RRP15: variants seen among roughly 807,000 people sequenced by gnomAD.
RRP15 encodes the protein RRP15-like protein.
Under a neutral mutation model 27.1 loss-of-function variants are expected in RRP15, and 18 were observed. That is an observed-to-expected ratio of 0.66 (90% CI 0.46 to 0.98). The LOEUF is 0.98. RRP15 is among the 50% of genes least tolerant of loss of function. RRP15 has a pLI of 0.00. For missense variants in RRP15, 359 were observed against 337.8 expected (o/e 1.06, Z -0.49); for synonymous variants, 107 against 109.4 (o/e 0.98, Z 0.14).
chr1:218,287,825 G>A (rs1395837666), intron 1 of RRP15, among the ~76,000 whole-genome samples: 1 of 152,086 alleles, frequency 6.6e-6, no homozygotes, highest in Non-Finnish European at 1.5e-5. Flanking sequence ...GGTCTTCTTT[G>A]CATACTTTAG....
chr1:218,307,027 T>C (rs1046922799), intron 3 of RRP15, among the ~76,000 whole-genome samples: 1 of 152,222 alleles, frequency 6.6e-6, no homozygotes, highest in Admixed American at 6.5e-5. Context: ...CAGAACATAG[T>C]TTTTAAAATA....
chr1:218,302,514 G>A lies in RRP15; in HGVS notation c.360G>A (p.Lys120=), dbSNP rs1198110141. The change falls in exon 2 of 5, where the codon AAG becomes AAA. Residue 120 remains lysine, a synonymous_variant. Transcript: ENST00000366932. ...TGGTCAAAAATAAGAAGCTGGAAAA[G>A]GAAAAAGAAAAGTTAAAGCAAGAAA... ...TILVKNKKLE[K]EKEKLKQERL... 3 of 1,612,874 alleles carry A rather than the reference G, an allele frequency of 1.9e-6. No individual in the cohort carries two copies. The highest frequency in any genetic ancestry group is 1.1e-5 in the South Asian group (1 of 90,858).
At chr1:218,316,547 A>G (rs1325419936) in intron 4 of RRP15, among the ~76,000 whole-genome samples, 6 of 152,180 alleles carry the variant, frequency 3.9e-5, no homozygotes, top group Non-Finnish European at 2.9e-5. Flanking sequence ...AACACATAGT[A>G]CTAAAGCCAC....
chr1:218,309,189 TC>T lies in RRP15; in HGVS notation c.705+1558del, dbSNP rs778321892. 6.1e-4 allele frequency among the ~76,000 whole-genome samples: 93 copies of T among 152,334 alleles called. 1 individual carries two copies. Among genetic ancestry groups the T allele is most frequent in the African/African-American group, 2.2e-3 (93 of 41,578 alleles). On this transcript the variant is annotated intron_variant, in intron 4 of 4. Transcript: ENST00000366932. The stretch of plus-strand genomic sequence containing the variant: ...GAGACTTAAGCCAAAGTGATTTTGC[TC>T]TAAAAGTAATTTGTTTCTAGAACAC...
intron 4 of RRP15, among the ~76,000 whole-genome samples, chr1:218,311,273 G>A (rs971671058): frequency 1.3e-5 from 2 of 151,784 alleles, no homozygotes; most frequent in Non-Finnish European, 1.5e-5. Flanking sequence ...TATCTTTCAT[G>A]GAAGATAAAG....
intron 4 of RRP15, among the ~76,000 whole-genome samples, chr1:218,323,295 G>T (rs1234848772): frequency 6.6e-6 from 1 of 152,226 alleles, no homozygotes; most frequent in African/African-American, 2.4e-5. Context: ...CATCCAGGAA[G>T]AATGAGGTAC....
intron 4 of RRP15, among the ~76,000 whole-genome samples, chr1:218,321,803 T>C (rs1273398649): frequency 1.3e-5 from 2 of 152,258 alleles, no homozygotes; most frequent in East Asian, 3.9e-4. Context: ...TTCCGATGAA[T>C]GACACATTTA....
chr1:218,308,448 T>G (rs1397880109), intron 4 of RRP15, among the ~76,000 whole-genome samples: 1 of 152,096 alleles, frequency 6.6e-6, no homozygotes, highest in Non-Finnish European at 1.5e-5. Flanking sequence ...TTTCTATTGT[T>G]GTCGTTTTAA....
chr1:218,315,273 A>G (rs1656070482), intron 4 of RRP15, among the ~76,000 whole-genome samples: 2 of 152,128 alleles, frequency 1.3e-5, no homozygotes, highest in African/African-American at 4.8e-5. Flanking sequence ...GTATCTTACA[A>G]CTTAGACCCA....
chr1:218,299,961 T>A (rs771316047), intron 1 of RRP15, among the ~76,000 whole-genome samples: 1 of 152,158 alleles, frequency 6.6e-6, no homozygotes, highest in Non-Finnish European at 1.5e-5. Flanking sequence ...TTGTTAATAG[T>A]GCTGCCAGCT....
At chr1:218,305,897 G>GTGTTCAAATGCTAGTTCAAATGCTAGTA (rs1655892007) in intron 3 of RRP15, among the ~76,000 whole-genome samples, 1 of 152,018 alleles carries the variant, frequency 6.6e-6, no homozygotes, top group African/African-American at 2.4e-5. Flanking sequence ...CGTAGTACTG[G>GTGTTCAAATGCTAGTTCAAATGCTAGTA]CTCTTACTAG....
At chr1:218,299,410 A>G (rs1046204035) in intron 1 of RRP15, among the ~76,000 whole-genome samples, 1 of 152,150 alleles carries the variant, frequency 6.6e-6, no homozygotes, top group Non-Finnish European at 1.5e-5. Flanking sequence ...ATGTTGTGGT[A>G]GTCAAGCGGG....
In RRP15 at chr1:218,332,771, A is replaced by G. The variant is rs1386364001; in HGVS notation, c.*1680A>G. 6.6e-6 allele frequency: 1 copy of G among 152,110 alleles called. No individual in the cohort carries two copies. Among genetic ancestry groups the G allele is most frequent in the Admixed American group, 6.6e-5 (1 of 15,266 alleles). The allele number at this position is 152,110 out of a possible 1,614,324, so 9.4% of individuals were successfully genotyped here. A position where few individuals can be genotyped will look rare whatever the true frequency, so the allele number is the denominator to read the frequency against. ...TGTCTTTCAGTATAAATAAATGTGA[A>G]CAAATATACCTCAGTAGTAATACAG... On this transcript the variant is annotated 3_prime_UTR_variant, in exon 5 of 5. Coordinates refer to ENST00000366932, the MANE Select transcript of RRP15 (RefSeq NM_016052.4).
chr1:218,285,499 G>A, intron 1 of RRP15, 44 bp downstream of exon 1: 1 of 1,610,300 alleles, frequency 6.2e-7, no homozygotes, highest in Middle Eastern at 1.7e-4. Flanking sequence ...AGGAAAGGCG[G>A]GGCTGAGTTC....
At chr1:218,316,284 A>G (rs540104835) in intron 4 of RRP15, among the ~76,000 whole-genome samples, 1 of 152,108 alleles carries the variant, frequency 6.6e-6, no homozygotes, top group Non-Finnish European at 1.5e-5. Context: ...TTGCCCCTAT[A>G]TGAATAAATG....
chr1:218,326,894 C>T lies in RRP15; in HGVS notation c.706-4054C>T, dbSNP rs150251079. Among the ~76,000 whole-genome samples the T allele has an allele frequency of 8.5e-4, 130 of 152,310 alleles. 1 individual carries two copies. In the East Asian group the frequency reaches 0.024, roughly 28 times the overall value. On this transcript the variant is annotated intron_variant, in intron 4 of 4. Transcript: ENST00000366932. Reference sequence around the variant, plus strand: ...AATGTTTCTCAAAGCATACCTTTCACCCCAGTGCTTTTTATTTTGGTTCTT... The same window carrying T: ...AATGTTTCTCAAAGCATACCTTTCATCCCAGTGCTTTTTATTTTGGTTCTT...
chr1:218,301,398 G>A (rs1056668934), intron 1 of RRP15: 3 of 152,306 alleles, frequency 2.0e-5, no homozygotes, highest in African/African-American at 7.2e-5. Flanking sequence ...TGCAATGCTG[G>A]GTGCTTGTGC....
intron 1 of RRP15, among the ~76,000 whole-genome samples, chr1:218,295,245 T>C (rs1267379218): frequency 6.6e-6 from 1 of 152,176 alleles, no homozygotes; most frequent in Non-Finnish European, 1.5e-5. Flanking sequence ...CTTGAGCTAC[T>C]CAGATTTATG....
chr1:218,311,357 T>A (rs1655993286), intron 4 of RRP15, among the ~76,000 whole-genome samples: 1 of 152,200 alleles, frequency 6.6e-6, no homozygotes, highest in Non-Finnish European at 1.5e-5. Context: ...CTAGATTGAA[T>A]ACTAGTATTC....
Sources: gnomAD v4.1 joint callset for allele counts (sites outside exome capture counted in the v4.1 genomes callset) on GRCh38, gnomAD v4.1.1 for gene constraint, MANE v1.5 for transcripts, NCBI Gene and HGNC (gene_info 2026-07-23, HGNC 2026-07-21) for gene names.